RAD51B: variants seen among roughly 807,000 people sequenced by gnomAD.
The protein encoded by RAD51B is RAD51 paralog B, also known as DNA repair protein RAD51 homolog 2.
A neutral mutation model predicts 42.2 loss-of-function variants in RAD51B; 38 were observed. The ratio of observed to expected loss-of-function variants is 0.90; its 90% CI spans 0.70 to 1.18. RAD51B has a LOEUF of 1.18. RAD51B is among the 50% of genes most tolerant of loss of function. RAD51B has a pLI of 0.00. For missense variants in RAD51B, 373 were observed against 400.7 expected (o/e 0.93, Z 0.59); for synonymous variants, 154 against 145.2 (o/e 1.06, Z -0.43).
intron 10 of RAD51B, among the ~76,000 whole-genome samples, chr14:68,509,866 C>T (rs1051197965): frequency 2.0e-5 from 3 of 152,228 alleles, no homozygotes; most frequent in Admixed American, 1.3e-4. Context: ...TTTGACCAGT[C>T]GGCCATGGTT....
intron 10 of RAD51B, among the ~76,000 whole-genome samples, chr14:68,551,172 C>A (rs989739204): frequency 3.3e-5 from 5 of 152,186 alleles, no homozygotes; most frequent in Admixed American, 2.6e-4. Flanking sequence ...TCTCCCCACA[C>A]GGCTGCTGTC....
intron 10 of RAD51B, among the ~76,000 whole-genome samples, chr14:68,571,819 T>A (rs1429737987): frequency 6.6e-6 from 1 of 152,004 alleles, no homozygotes; most frequent in Non-Finnish European, 1.5e-5. Flanking sequence ...GTTTGTTTGT[T>A]TGTTTTTTGA....
At chr14:68,519,585 C>T (rs925770917) in intron 10 of RAD51B, among the ~76,000 whole-genome samples, 2 of 152,216 alleles carry the variant, frequency 1.3e-5, no homozygotes, top group African/African-American at 4.8e-5. Context: ...CCACTGACAA[C>T]ACGACTGGTT....
chr14:68,141,808 C>G (rs1219154662), intron 7 of RAD51B, among the ~76,000 whole-genome samples: 1 of 152,050 alleles, frequency 6.6e-6, no homozygotes, highest in Non-Finnish European at 1.5e-5. Flanking sequence ...AAGTAGGACT[C>G]CTTTCTTTTA....
chr14:68,329,108 A>C (rs1035106910), intron 8 of RAD51B, among the ~76,000 whole-genome samples: 1 of 152,210 alleles, frequency 6.6e-6, no homozygotes, highest in African/African-American at 2.4e-5. Flanking sequence ...TCCTAGGCTC[A>C]AGTGATCCTC....
At chr14:68,357,929 C>T (rs944684018) in intron 8 of RAD51B, among the ~76,000 whole-genome samples, 1 of 152,164 alleles carries the variant, frequency 6.6e-6, no homozygotes, top group African/African-American at 2.4e-5. Context: ...CTCTTCCTTT[C>T]ACTTGAACAC....
chr14:68,255,960 G>A (rs961145538), intron 7 of RAD51B, among the ~76,000 whole-genome samples: 24 of 152,154 alleles, frequency 1.6e-4, no homozygotes, highest in African/African-American at 5.6e-4. Context: ...AAAAATTAAT[G>A]CCCTGTAAGT....
rs147892487 is a variant in RAD51B, at chr14:67,966,911, A to G, written c.756+79707A>G. Among the ~76,000 whole-genome samples the G allele has an allele frequency of 2.3e-3, 348 of 152,250 alleles. 1 individual carries two copies. Among genetic ancestry groups the G allele is most frequent in the African/African-American group, 8.1e-3 (337 of 41,538 alleles). On this transcript the variant is annotated intron_variant, in intron 7 of 10. Coordinates refer to ENST00000471583, the MANE Select transcript of RAD51B (RefSeq NM_133510.4). ...CCTTTCCTCTTCTCATAGCAATCTG[A>G]TATGGACAATTAGAAGAGAAAAAAA...
At chr14:67,964,566 T>C (rs1035163247) in intron 7 of RAD51B, among the ~76,000 whole-genome samples, 1 of 152,240 alleles carries the variant, frequency 6.6e-6, no homozygotes, top group Non-Finnish European at 1.5e-5. Flanking sequence ...AATGGTGCTT[T>C]CTTTTTCTGT....
chr14:68,637,226 T>C (rs1477839813), intron 10 of RAD51B, among the ~76,000 whole-genome samples: 1 of 152,096 alleles, frequency 6.6e-6, no homozygotes, highest in Non-Finnish European at 1.5e-5. Context: ...ACTATAACCA[T>C]GGCCATCACA....
At chr14:68,321,777 G>T (rs926964698) in intron 8 of RAD51B, among the ~76,000 whole-genome samples, 5 of 152,028 alleles carry the variant, frequency 3.3e-5, no homozygotes, top group Non-Finnish European at 4.4e-5. Context: ...TTGAGACAGG[G>T]TCTTGCTCTG....
At chr14:68,017,020 G>C (rs2075787608) in intron 7 of RAD51B, among the ~76,000 whole-genome samples, 2 of 152,008 alleles carry the variant, frequency 1.3e-5, no homozygotes, top group South Asian at 2.1e-4. Context: ...TCAGTGTTTG[G>C]AGCTAATAAG....
In RAD51B at chr14:67,926,558, CTTT is replaced by C. The variant is rs534207569; in HGVS notation, c.756+39376_756+39378del. On this transcript the variant is annotated intron_variant, in intron 7 of 10. Transcript: ENST00000471583. ...TGCCAGTGTTGAAGGGATATGTTTCCTTTTTTTTTTTTTTTTTTTTTTTTGAGA... is the reference window on the plus strand; with the variant it reads ...TGCCAGTGTTGAAGGGATATGTTTCCTTTTTTTTTTTTTTTTTTTTTGAGA... Among the ~76,000 whole-genome samples the C allele has an allele frequency of 1.7e-3, 145 of 85,102 alleles. 1 individual carries two copies. Among genetic ancestry groups the C allele is most frequent in the African/African-American group, 6.4e-3 (139 of 21,568 alleles). The allele number at this position is 85,102 out of a possible 152,430, so 55.8% of individuals were successfully genotyped here.
intron 8 of RAD51B, among the ~76,000 whole-genome samples, chr14:68,318,628 G>A (rs113926524): frequency 7.6e-4 from 116 of 152,296 alleles, no homozygotes; most frequent in African/African-American, 2.5e-3. Context: ...TCTACCTACC[G>A]TGTGGCCTTG....
Position 68,607,571 on chromosome 14 carries a change from G to A in RAD51B, c.1037-3435G>A, listed in dbSNP as rs528866548. On this transcript the variant is annotated intron_variant, in intron 10 of 10. Transcript: ENST00000487861. ...ACACTGGGAGATGAGCTTCTGCCGA[G>A]CTTAAGTGCAGTTCTGGCCCTTTTG... Among the ~76,000 whole-genome samples, 6 of 152,328 alleles carry A rather than the reference G, an allele frequency of 3.9e-5. No individual in the cohort carries two copies. The South Asian group carries it at 1.2e-3, about 32-fold the overall frequency.
chr14:68,335,759 G>A (rs1202640229), intron 8 of RAD51B, among the ~76,000 whole-genome samples: 2 of 152,254 alleles, frequency 1.3e-5, no homozygotes, highest in Non-Finnish European at 2.9e-5. Context: ...GTTAGAATCT[G>A]TAACTACTGA....
chr14:68,049,937 C>A (rs926866531), intron 7 of RAD51B, among the ~76,000 whole-genome samples: 30 of 152,210 alleles, frequency 2.0e-4, no homozygotes, highest in Admixed American at 1.3e-3. Context: ...CCGGCTCCAA[C>A]GTAAAGCTTC....
At chr14:68,560,904 T>C (rs970606159) in intron 10 of RAD51B, among the ~76,000 whole-genome samples, 1 of 152,140 alleles carries the variant, frequency 6.6e-6, no homozygotes, top group African/African-American at 2.4e-5. Flanking sequence ...CTCTCCCTCA[T>C]GCTCACTGGG....
intron 8 of RAD51B, 70 bp from the exon 9 acceptor site, chr14:68,411,354 T>C: frequency 7.6e-7 from 1 of 1,308,910 alleles, no homozygotes; most frequent in Non-Finnish European, 1.1e-6. Context: ...ATGAGTAATG[T>C]CTGGACTTCA....
Sources: allele counts gnomAD v4.1 joint callset (sites outside exome capture counted in the v4.1 genomes callset), GRCh38; gene constraint gnomAD v4.1.1; transcripts MANE v1.5; gene names NCBI Gene and HGNC (gene_info 2026-07-23, HGNC 2026-07-21).